Variants in UGT1A10 observed in about 807,000 individuals in gnomAD.
UGT1A10 encodes the protein UDP glucuronosyltransferase family 1 member A10.
Under a neutral mutation model 45.8 loss-of-function variants are expected in UGT1A10, and 49 were observed. That is an observed-to-expected ratio of 1.07 (90% CI 0.85 to 1.36). UGT1A10 has a LOEUF of 1.36. Among genes scored for constraint, UGT1A10 ranks in the 40% most tolerant of loss-of-function variants. The pLI, the probability that UGT1A10 is intolerant of heterozygous loss-of-function variation, is 0.00. For missense variants in UGT1A10, 745 were observed against 668.6 expected, an observed-to-expected ratio of 1.11 and a Z score of -1.26; for synonymous variants, 284 against 249.7, an observed-to-expected ratio of 1.14 and a Z score of -1.29.
At chr2:233,657,747 T>G (rs1403174452) in intron 1 of UGT1A10, among the ~76,000 whole-genome samples, 1 of 152,210 alleles carries the variant, frequency 6.6e-6, no homozygotes, top group Non-Finnish European at 1.5e-5. Flanking sequence ...ATTTTCCTAT[T>G]TAAATATGAT....
chr2:233,744,298 C>CAA (rs1268189339), intron 1 of UGT1A10, among the ~76,000 whole-genome samples: 1 of 151,760 alleles, frequency 6.6e-6, no homozygotes, highest in Non-Finnish European at 1.5e-5. Flanking sequence ...TTTCCTCGGC[C>CAA]ACAGGAGGGA....
chr2:233,690,417 T>G, intron 1 of UGT1A10: 1 of 1,228,386 alleles, frequency 8.1e-7, no homozygotes, highest in Non-Finnish European at 1.1e-6. Context: ...TGAAATTACC[T>G]TCATGCACAT....
chr2:233,745,629 A>T (rs1334214032), intron 1 of UGT1A10, among the ~76,000 whole-genome samples: 1 of 151,506 alleles, frequency 6.6e-6, no homozygotes, highest in East Asian at 1.9e-4. Context: ...ACAGTCATAG[A>T]AAGCTGGCCG....
Position 233,657,961 on chromosome 2 carries a change from G to A in UGT1A10, c.855+20584G>A, listed in dbSNP as rs116286518. ...TATTTTAGAAGAAATTTAGATTTAT[G>A]CAAGGTTGCAAGAACTAGCACAGAG... On this transcript the variant is annotated intron_variant, in intron 1 of 4. Transcript: ENST00000344644. 3.1e-3 allele frequency among the ~76,000 whole-genome samples: 469 copies of A among 150,828 alleles called. 4 individuals carry two copies. Among genetic ancestry groups the A allele is most frequent in the African/African-American group, 0.011 (447 of 41,094 alleles).
intron 1 of UGT1A10, among the ~76,000 whole-genome samples, chr2:233,639,352 C>T (rs991435334): frequency 1.6e-4 from 25 of 152,244 alleles, no homozygotes; most frequent in African/African-American, 4.8e-4. Context: ...CAGAGGAATT[C>T]GATCTCAAAG....
intron 1 of UGT1A10, chr2:233,671,716 C>T: frequency 2.0e-6 from 2 of 1,023,970 alleles, no homozygotes; most frequent in East Asian, 5.6e-5. Flanking sequence ...AGACCATAAG[C>T]TACTGTTGTC....
intron 1 of UGT1A10, chr2:233,648,555 G>A (rs994113677): frequency 3.2e-4 from 57 of 178,356 alleles, no homozygotes; most frequent in Non-Finnish European, 5.5e-4. Flanking sequence ...GCACCTCCCG[G>A]GTTCACGCCA....
rs767733403 is a variant in UGT1A10 at position 233,661,708 on chromosome 2, CT to C, written c.855+24345del. The stretch of plus-strand genomic sequence containing the variant: ...TTAAACAAAGGTCCTTATCTGGATT[CT>C]TTTTTTTTTTTTTAATGATCGCCAA... On this transcript the variant is annotated intron_variant, in intron 1 of 4. Coordinates refer to ENST00000344644, the MANE Select transcript of UGT1A10 (RefSeq NM_019075.4). 2.8e-3 allele frequency among the ~76,000 whole-genome samples: 251 copies of C among 90,782 alleles called. 1 individual carries two copies. Among genetic ancestry groups the C allele is most frequent in the Non-Finnish European group, 3.3e-3 (141 of 43,164 alleles). 59.6% of individuals were successfully genotyped at this position (90,782 alleles called of 152,430 possible). A position where few individuals can be genotyped will look rare whatever the true frequency, so the allele number is the denominator to read the frequency against.
intron 1 of UGT1A10, chr2:233,743,956 G>A (rs184316279): frequency 9.0e-5 from 120 of 1,338,248 alleles, no homozygotes; most frequent in Middle Eastern, 2.2e-4. Flanking sequence ...CTGGCACAGC[G>A]AGCGGCAAGG....
At position 233,769,810 on chromosome 2, in the gene UGT1A10, A is replaced by G. The variant is rs1699943868; in HGVS notation, c.1295+1371A>G. The G allele has an allele frequency of 5.9e-6, 6 of 1,010,036 alleles. No individual in the cohort carries two copies. Among genetic ancestry groups the G allele is most frequent in the African/African-American group, 3.3e-5 (2 of 61,048 alleles). The allele number at this position is 1,010,036 out of a possible 1,614,324, so 62.6% of individuals were successfully genotyped here. ...TTGGAGGCTGCTATGAGCCGTGATC[A>G]TGCCACTGCACTCCAGCAACCTGGG... On this transcript the variant is annotated intron_variant, in intron 4 of 4. Transcript: ENST00000344644. This position sits in a 1 kb window ranked among gnomAD's most constrained non-coding sequence, Gnocchi z 4.4.
chr2:233,669,757 C>T (rs1427798230), intron 1 of UGT1A10, among the ~76,000 whole-genome samples: 8 of 152,264 alleles, frequency 5.3e-5, no homozygotes, highest in African/African-American at 1.4e-4. Flanking sequence ...GATCTCAGCT[C>T]AATGCAACCT....
chr2:233,715,559 C>G (rs1347075985), intron 1 of UGT1A10, among the ~76,000 whole-genome samples: 2 of 152,016 alleles, frequency 1.3e-5, no homozygotes, highest in African/African-American at 2.4e-5. Flanking sequence ...ATTGCTTGAG[C>G]CCAGGAGTCT....
chr2:233,692,795 C>G (rs866165884), intron 1 of UGT1A10: 7 of 1,377,094 alleles, frequency 5.1e-6, no homozygotes, highest in African/African-American at 2.9e-5. Flanking sequence ...TGAAAGCTGA[C>G]ACGGCCATAG....
At chr2:233,725,467 G>A (rs1170231243) in intron 1 of UGT1A10, among the ~76,000 whole-genome samples, 1 of 151,678 alleles carries the variant, frequency 6.6e-6, no homozygotes, top group Non-Finnish European at 1.5e-5. Flanking sequence ...TTTTCTAGTG[G>A]GCATGTTAGA....
intron 1 of UGT1A10, among the ~76,000 whole-genome samples, chr2:233,765,676 A>T (rs544202607): frequency 2.0e-5 from 3 of 151,708 alleles, no homozygotes; most frequent in Non-Finnish European, 4.4e-5. Flanking sequence ...TGGCATATGT[A>T]TCCCAGAACT....
At chr2:233,743,515 C>G in intron 1 of UGT1A10, 2 of 1,367,292 alleles carry the variant, frequency 1.5e-6, no homozygotes, top group African/African-American at 1.5e-5. Flanking sequence ...AGACGCTCTG[C>G]TTCTGCTTCC....
chr2:233,706,576 G>A (rs550781896), intron 1 of UGT1A10, among the ~76,000 whole-genome samples: 1 of 152,280 alleles, frequency 6.6e-6, no homozygotes, highest in African/African-American at 2.4e-5. Context: ...GGGTAAGAGT[G>A]GAGATGGGAG....
intron 1 of UGT1A10, among the ~76,000 whole-genome samples, chr2:233,726,819 C>T (rs181866502): frequency 3.3e-5 from 5 of 152,224 alleles, no homozygotes; most frequent in Admixed American, 6.5e-5. Context: ...TTCCTCTATT[C>T]GACCATTTAA....
At chr2:233,659,252 A>G (rs1362253833) in intron 1 of UGT1A10, among the ~76,000 whole-genome samples, 2 of 152,144 alleles carry the variant, frequency 1.3e-5, no homozygotes, top group Non-Finnish European at 2.9e-5. Context: ...GAGATTAGGG[A>G]TACCAACCTC....
Sources: gnomAD v4.1 joint callset for allele counts (sites outside exome capture counted in the v4.1 genomes callset) on GRCh38, gnomAD v4.1.1 for gene constraint, Gnocchi (gnomAD v3.1) non-coding constraint, MANE v1.5 for transcripts, NCBI Gene and HGNC (gene_info 2026-07-23, HGNC 2026-07-21) for gene names.